HADHA: variants seen among roughly 807,000 people sequenced by gnomAD.
HADHA encodes trifunctional enzyme subunit alpha, mitochondrial.
In HADHA, 59 loss-of-function variants were observed where a neutral mutation model predicts 91.3. That is an observed-to-expected ratio of 0.65 (90% CI 0.52 to 0.80). The LOEUF (loss-of-function observed/expected upper bound fraction) is 0.80. Ranked by LOEUF, HADHA falls within the 30% of genes least tolerant of loss-of-function variation. HADHA has a pLI of 0.00. For synonymous variants in HADHA, 320 were observed against 338.9 expected (o/e 0.94, Z 0.61); for missense variants, 800 against 927.6 (o/e 0.86, Z 1.79).
chr2:26,209,500 T>C (rs1174920548), intron 11 of HADHA, among the ~76,000 whole-genome samples: 1 of 151,962 alleles, frequency 6.6e-6, no homozygotes, highest in South Asian at 2.1e-4. Flanking sequence ...GAGTGTGTGG[T>C]TTGGGAAGGG....
At chr2:26,217,564 C>T (rs76011349) in intron 7 of HADHA, among the ~76,000 whole-genome samples, 2,384 of 152,098 alleles carry the variant, frequency 0.016, 67 homozygotes, top group African/African-American at 0.052. Context: ...AATCTGAAAG[C>T]AGACAGAGGA....
At chr2:26,195,051 A>G in intron 15 of HADHA, 41 bp downstream of exon 15, 1 of 1,552,954 alleles carries the variant, frequency 6.4e-7, no homozygotes. Flanking sequence ...TCTTATTAGA[A>G]CTTTTCAAAA....
chr2:26,237,005 T>G lies in HADHA; in HGVS notation c.181-17A>C. The G allele has an allele frequency of 6.3e-7, 1 of 1,589,174 alleles. No individual in the cohort carries two copies. Among genetic ancestry groups the G allele is most frequent in the East Asian group, 2.2e-5 (1 of 44,778 alleles). On this transcript the variant is annotated splice_polypyrimidine_tract_variant and intron_variant, in intron 3 of 19. Coordinates refer to ENST00000380649, the MANE Select transcript of HADHA (RefSeq NM_000182.5). ...TGTATTTACCTGCCAAAGGGAAATATATACAGGTAAGGGTTTAAATTTGAA... is the reference window on the plus strand; with the variant it reads ...TGTATTTACCTGCCAAAGGGAAATAGATACAGGTAAGGGTTTAAATTTGAA...
intron 16 of HADHA, among the ~76,000 whole-genome samples, chr2:26,194,225 G>A (rs1475125433): frequency 1.3e-5 from 2 of 152,110 alleles, no homozygotes; most frequent in Non-Finnish European, 2.9e-5. Context: ...TCTGTGTGCT[G>A]TGGAAACAGA....
Position 26,201,258 on chromosome 2 carries a change from T to C in HADHA, c.1283A>G (p.Asn428Ser). The change falls in exon 13 of 20, where the codon AAC (asparagine) becomes AGC (serine). Residue 428 changes from asparagine (N) to serine (S), a missense_variant. Asn to Ser is a conservative substitution (Grantham distance 46). Transcript: ENST00000380649. ...TTGGTAATCAAGCTGCCCAGTCAAGTTGCTGAAGATGGAATCCCTTTCAAA... is the reference window on the plus strand; with the variant it reads ...TTGGTAATCAAGCTGCCCAGTCAAGCTGCTGAAGATGGAATCCCTTTCAAA... ...TSFERDSIFS[N>S]LTGQLDYQGF... 1 of 1,612,150 alleles carries C rather than the reference T, an allele frequency of 6.2e-7. No individual in the cohort carries two copies. Among genetic ancestry groups the C allele is most frequent in the Non-Finnish European group, 8.5e-7 (1 of 1,178,142 alleles).
chr2:26,213,539 A>C (rs185540204), intron 9 of HADHA, among the ~76,000 whole-genome samples: 1 of 152,128 alleles, frequency 6.6e-6, no homozygotes, highest in African/African-American at 2.4e-5. Context: ...TCCAGCTTCC[A>C]TAACTTTGCT....
At chr2:26,236,380 CTGTG>C (rs201544302) in intron 4 of HADHA, among the ~76,000 whole-genome samples, 3,741 of 111,010 alleles carry the variant, frequency 0.034, 161 homozygotes, top group African/African-American at 0.097. Flanking sequence ...TATATATACT[CTGTG>C]TGTGTGTGTG....
chr2:26,203,472 C>T (rs1170866157), intron 12 of HADHA, among the ~76,000 whole-genome samples: 1 of 152,126 alleles, frequency 6.6e-6, no homozygotes, highest in Non-Finnish European at 1.5e-5. Context: ...GAATAATATT[C>T]CCCCTTTATT....
At chr2:26,205,635 A>G (rs1247538867) in intron 11 of HADHA, among the ~76,000 whole-genome samples, 1 of 152,138 alleles carries the variant, frequency 6.6e-6, no homozygotes, top group African/African-American at 2.4e-5. Flanking sequence ...CAACCTCACC[A>G]AAATACAAAA....
chr2:26,239,210 A>G, intron 1 of HADHA, 67 bp from the exon 2 acceptor site: 4 of 1,039,928 alleles, frequency 3.8e-6, no homozygotes, highest in Non-Finnish European at 6.1e-6. Flanking sequence ...ATATATAACA[A>G]AGCTGTAATT....
chr2:26,224,295 G>T (rs549622054), intron 7 of HADHA, among the ~76,000 whole-genome samples: 2 of 152,280 alleles, frequency 1.3e-5, no homozygotes, highest in East Asian at 3.9e-4. Context: ...GTGAATAAAG[G>T]CTCCACTGTT....
intron 7 of HADHA, among the ~76,000 whole-genome samples, chr2:26,217,306 C>T (rs562808324): frequency 7.7e-4 from 117 of 152,218 alleles, no homozygotes; most frequent in Non-Finnish European, 1.0e-3. Flanking sequence ...CTAAAACAAA[C>T]AACCCAGAGC....
rs1574610471 is a variant in HADHA, at chr2:26,205,440, T to C, written c.1086-1244A>G. 2.0e-5 allele frequency among the ~76,000 whole-genome samples: 3 copies of C among 152,302 alleles called. No homozygotes were observed. The East Asian group carries it at 5.8e-4, about 29-fold the overall frequency. ...TATTTATATGGTGAGTGATAAGTAA[T>C]TGCAGGACAATGAGAAAATACAGTA... On this transcript the variant is annotated intron_variant, in intron 11 of 19. Coordinates refer to ENST00000380649, the MANE Select transcript of HADHA (RefSeq NM_000182.5).
At chr2:26,219,207 C>A (rs995452132) in intron 7 of HADHA, among the ~76,000 whole-genome samples, 7 of 151,392 alleles carry the variant, frequency 4.6e-5, no homozygotes, top group African/African-American at 1.7e-4. Flanking sequence ...CGGCTCACTG[C>A]AACCTCCACC....
At chr2:26,198,233 G>A (rs1669732491) in intron 13 of HADHA, among the ~76,000 whole-genome samples, 1 of 152,028 alleles carries the variant, frequency 6.6e-6, no homozygotes, top group Admixed American at 6.6e-5. Context: ...TATACAGTGT[G>A]TTACTAAAAA....
chr2:26,201,119 A>C, intron 13 of HADHA, 30 bp downstream of exon 13: 1 of 1,537,260 alleles, frequency 6.5e-7, no homozygotes, highest in Non-Finnish European at 9.0e-7. Flanking sequence ...TCACTACACT[A>C]GGATTCAAGT....
intron 6 of HADHA, 87 bp downstream of exon 6, chr2:26,232,073 T>C: frequency 1.1e-6 from 1 of 948,040 alleles, no homozygotes; most frequent in Non-Finnish European, 1.7e-6. Context: ...TTTTTAATTC[T>C]ACAATGAATG....
rs72809666 is a variant in HADHA, at chr2:26,244,597, C to A, written c.-1G>T. On this transcript the variant is annotated 5_prime_UTR_variant, in exon 1 of 20. Coordinates refer to ENST00000380649, the MANE Select transcript of HADHA (RefSeq NM_000182.5). The stretch of plus-strand genomic sequence containing the variant: ...TGCCAATCGCCCGGCAGGCCACCAT[C>A]TTGAGCTGAAGAGGACAGCAGTGGA... The A allele has an allele frequency of 3.4e-3, 5,337 of 1,578,948 alleles. 14 individuals carry two copies. The highest frequency in any genetic ancestry group is 4.2e-3 in the Non-Finnish European group (4,900 of 1,161,868).
intron 10 of HADHA, chr2:26,212,325 G>T (rs934057943): frequency 6.1e-6 from 3 of 492,492 alleles, no homozygotes; most frequent in African/African-American, 3.9e-5. Context: ...GAGCTCAAAC[G>T]ATCTGCCCAC....
Sources: gnomAD v4.1 joint callset for allele counts (sites outside exome capture counted in the v4.1 genomes callset) on GRCh38, gnomAD v4.1.1 for gene constraint, MANE v1.5 for transcripts, NCBI Gene and HGNC (gene_info 2026-07-23, HGNC 2026-07-21) for gene names.